Variants in RYR2 observed in about 807,000 individuals in gnomAD.
The protein encoded by RYR2 is cardiac muscle ryanodine receptor-calcium release channel.
In RYR2, 227 loss-of-function variants were observed where a neutral mutation model predicts 601.1. The ratio of observed to expected loss-of-function variants is 0.38; its 90% confidence interval spans 0.34 to 0.42. The LOEUF is 0.42. Among genes scored for constraint, RYR2 ranks in the 10% least tolerant of loss-of-function variants. The pLI, the probability that RYR2 is intolerant of heterozygous loss-of-function variation, is 1.00. For missense variants in RYR2, 4,646 were observed against 6,156.5 expected (o/e 0.75, Z 8.21); for synonymous variants, 2,223 against 2,175.1 (o/e 1.02, Z -0.61).
chr1:237,216,643 A>G (rs1056088616), intron 1 of RYR2, among the ~76,000 whole-genome samples: 4 of 151,976 alleles, frequency 2.6e-5, no homozygotes, highest in Admixed American at 6.6e-5. Context: ...AGGCTGAGGC[A>G]GGAGAATGGC....
chr1:237,423,703 T>C (rs775379527), intron 12 of RYR2, among the ~76,000 whole-genome samples: 1 of 152,104 alleles, frequency 6.6e-6, no homozygotes, highest in Non-Finnish European at 1.5e-5. Flanking sequence ...TGGGTTACAG[T>C]GTGAGGATAA....
intron 35 of RYR2, among the ~76,000 whole-genome samples, chr1:237,605,609 A>G (rs1174792336): frequency 6.6e-6 from 1 of 152,162 alleles, no homozygotes; most frequent in African/African-American, 2.4e-5. Context: ...TTCAATTAGG[A>G]AAAGAGGAAG....
chr1:237,084,704 A>G lies in RYR2; in HGVS notation c.48+42135A>G, dbSNP rs1244604323. Among the ~76,000 whole-genome samples, 3 of 152,210 alleles carry G rather than the reference A, an allele frequency of 2.0e-5. No homozygotes were observed. In the East Asian group the frequency reaches 5.8e-4, roughly 29 times the overall value. On this transcript the variant is annotated intron_variant, in intron 1 of 104. Transcript: ENST00000366574. ...TGTTCCCAGTGTCACTGGTTAGGGA[A>G]TAGTCCTTTGCTTTTGGCCAGGCAT...
intron 70 of RYR2, 96 bp downstream of exon 70, chr1:237,709,663 G>T (rs1401285883): frequency 1.5e-6 from 1 of 671,936 alleles, no homozygotes; most frequent in Non-Finnish European, 2.5e-6. Flanking sequence ...AGAGAGAATA[G>T]GTTCCCCTGA....
At chr1:237,433,055 A>G (rs568438341) in intron 12 of RYR2, among the ~76,000 whole-genome samples, 1 of 152,002 alleles carries the variant, frequency 6.6e-6, no homozygotes, top group East Asian at 1.9e-4. Context: ...ATCTTAAAGA[A>G]AAGAACAAAT....
Position 237,809,017 on chromosome 1 carries a change from A to G in RYR2, c.14415A>G (p.Lys4805=), listed in dbSNP as rs397516515. The G allele has an allele frequency of 6.8e-6, 11 of 1,613,352 alleles. No homozygotes were observed. Among genetic ancestry groups the G allele is most frequent in the Non-Finnish European group, 8.5e-7 (1 of 1,179,564 alleles). Residue 4805 remains lysine (K), a synonymous_variant, in exon 100 of 105, where the codon AAA becomes AAG. Coordinates refer to ENST00000366574, the MANE Select transcript of RYR2 (RefSeq NM_001035.3). ...AAGATGGTGATACACCAGATATGAA[A>G]TGTGACGATATGCTAACAGTAAGTT... is the stretch of plus-strand genomic sequence containing the variant. ...KSEDGDTPDM[K]CDDMLTCYMF...
intron 1 of RYR2, among the ~76,000 whole-genome samples, chr1:237,243,428 T>C (rs543763777): frequency 1.3e-5 from 2 of 152,136 alleles, no homozygotes; most frequent in Non-Finnish European, 2.9e-5. Context: ...GGGCTTATTA[T>C]AAAGACTCCT....
chr1:237,718,614 A>C, intron 73 of RYR2, 93 bp downstream of exon 73: 1 of 604,040 alleles, frequency 1.7e-6, no homozygotes, highest in Non-Finnish European at 2.9e-6. Flanking sequence ...TACTTTAAAC[A>C]TTAAGGTAAT....
chr1:237,370,100 A>C (rs1186607309), intron 6 of RYR2, among the ~76,000 whole-genome samples: 1 of 151,846 alleles, frequency 6.6e-6, no homozygotes, highest in Non-Finnish European at 1.5e-5. Flanking sequence ...TCTTGGGCAC[A>C]GTTTTCTTAT....
chr1:237,753,419 G>C (rs147290118), intron 80 of RYR2, among the ~76,000 whole-genome samples: 2 of 152,192 alleles, frequency 1.3e-5, no homozygotes, highest in Admixed American at 6.5e-5. Context: ...AATAATATTA[G>C]CAATGTTATT....
rs1312233691 is a variant in RYR2, at chr1:237,595,545, G to A, written c.4484G>A (p.Ser1495Asn). ...ATGGTATGTGCGGGTGAGAGCATGA[G>A]CCCCGGGCAAGGACGCAACAATAAT... ...CYMVCAGESM[S>N]PGQGRNNNGL... The change falls in exon 34 of 105, where the codon AGC becomes AAC. Residue 1495 changes from serine to asparagine, a missense_variant. Physicochemically the swap from Ser to Asn is conservative, Grantham distance 46. This residue lies in a region of RYR2 where 1,807 missense variants were observed against 2,088.1 expected (regional missense o/e 0.87). Transcript: ENST00000366574. 1 of 1,613,686 alleles carries A rather than the reference G, an allele frequency of 6.2e-7. No individual in the cohort carries two copies. Among genetic ancestry groups the A allele is most frequent in the South Asian group, 1.1e-5 (1 of 90,990 alleles).
intron 2 of RYR2, among the ~76,000 whole-genome samples, chr1:237,307,527 T>A (rs985490179): frequency 1.3e-5 from 2 of 152,256 alleles, no homozygotes; most frequent in Admixed American, 1.3e-4. Flanking sequence ...ATGTTCAGTA[T>A]GATTTTACTT....
chr1:237,743,183 T>C (rs1691766392), intron 80 of RYR2, among the ~76,000 whole-genome samples: 1 of 152,176 alleles, frequency 6.6e-6, no homozygotes, highest in Admixed American at 6.5e-5. Flanking sequence ...AGTCTGGAAA[T>C]ATATCAGTAG....
At chr1:237,251,497 A>G (rs760039927) in intron 1 of RYR2, among the ~76,000 whole-genome samples, 1 of 152,070 alleles carries the variant, frequency 6.6e-6, no homozygotes. Flanking sequence ...TTGGCCCCTG[A>G]CTTTCTTTCT....
intron 13 of RYR2, among the ~76,000 whole-genome samples, chr1:237,443,734 C>G (rs143236295): frequency 1.4e-4 from 21 of 152,162 alleles, no homozygotes; most frequent in East Asian, 7.7e-4. Flanking sequence ...CCATTCTACT[C>G]TGGTCTTTTT....
intron 2 of RYR2, among the ~76,000 whole-genome samples, chr1:237,281,708 C>T (rs745673317): frequency 1.3e-5 from 2 of 152,198 alleles, no homozygotes; most frequent in Non-Finnish European, 2.9e-5. Context: ...GGTGATGACC[C>T]ATTCTGTTCT....
At position 237,549,300 on chromosome 1, in the gene RYR2, C is replaced by T. The variant is rs540227425; in HGVS notation, c.3066+710C>T. ...AGACAAAACAGTATTTCTGGCTGGGCGGGGTGGCTCACACTTGTAATCCCA... is the reference window on the plus strand; with the variant it reads ...AGACAAAACAGTATTTCTGGCTGGGTGGGGTGGCTCACACTTGTAATCCCA... On this transcript the variant is annotated intron_variant, in intron 26 of 104. Transcript: ENST00000366574. 3.4e-4 allele frequency among the ~76,000 whole-genome samples: 51 copies of T among 152,198 alleles called. 1 individual carries two copies. The South Asian group carries it at 8.9e-3, about 27-fold the overall frequency.
At chr1:237,790,991 A>G (rs1658313625) in intron 92 of RYR2, among the ~76,000 whole-genome samples, 1 of 151,706 alleles carries the variant, frequency 6.6e-6, no homozygotes, top group Non-Finnish European at 1.5e-5. Flanking sequence ...CTCCTAACTC[A>G]GGGCCTCTGC....
chr1:237,724,184 C>CATATATATATATAT lies in RYR2; in HGVS notation c.10689+943_10689+956dup, dbSNP rs35705894. Among the ~76,000 whole-genome samples, 953 of 136,722 alleles carry CATATATATATATAT rather than the reference C, an allele frequency of 7.0e-3. 6 individuals are homozygous for CATATATATATATAT. The highest frequency in any genetic ancestry group is 9.2e-3 in the Non-Finnish European group (595 of 64,352). The allele number at this position is 136,722 out of a possible 152,430, so 89.7% of individuals were successfully genotyped here. ...TGCCACCTAAATGTATGTGTGTGTG[C>CATATATATATATAT]ATATATATATATATATATATATATA... On this transcript the variant is annotated intron_variant, in intron 74 of 104. Transcript: ENST00000366574.
Sources: allele counts gnomAD v4.1 joint callset (sites outside exome capture counted in the v4.1 genomes callset), GRCh38; gene constraint gnomAD v4.1.1; regional missense constraint gnomAD v4.1.1; transcripts MANE v1.5; gene names NCBI Gene and HGNC (gene_info 2026-07-23, HGNC 2026-07-21).